Variants in PLXDC2 observed in about 807,000 individuals in gnomAD.
PLXDC2 encodes the protein plexin domain containing 2.
A neutral mutation model predicts 68.9 loss-of-function variants in PLXDC2; 40 were observed. The observed-to-expected ratio is 0.58, with a 90% CI of 0.45 to 0.76. PLXDC2 has a LOEUF of 0.76. PLXDC2 is among the 30% of genes least tolerant of loss of function. The pLI, the probability that PLXDC2 is intolerant of heterozygous loss-of-function variation, is 0.00. For synonymous variants in PLXDC2, 243 were observed against 234.2 expected (o/e 1.04, Z -0.34); for missense variants, 644 against 661.9 (o/e 0.97, Z 0.30).
chr10:20,188,334 CAT>C (rs141683219), intron 9 of PLXDC2, among the ~76,000 whole-genome samples: 4,296 of 151,618 alleles, frequency 0.028, 77 homozygotes, highest in Middle Eastern at 0.071. Context: ...TTTTAGCTTC[CAT>C]GTGTGTGAGA....
At chr10:20,014,070 A>G (rs568696974) in intron 2 of PLXDC2, among the ~76,000 whole-genome samples, 1 of 152,368 alleles carries the variant, frequency 6.6e-6, no homozygotes, top group African/African-American at 2.4e-5. Flanking sequence ...CACTTTTTAG[A>G]GAAATCTTTT....
chr10:20,264,456 A>G (rs1165860730), intron 13 of PLXDC2, among the ~76,000 whole-genome samples: 1 of 152,160 alleles, frequency 6.6e-6, no homozygotes, highest in Non-Finnish European at 1.5e-5. Flanking sequence ...GTACCCCCAA[A>G]CATCAAATAA....
intron 1 of PLXDC2, among the ~76,000 whole-genome samples, chr10:19,871,729 A>G (rs923985823): frequency 6.6e-6 from 1 of 152,006 alleles, no homozygotes; most frequent in East Asian, 1.9e-4. Context: ...TACTAAAAAT[A>G]CAAAAAATCC....
rs554797268 is a variant in PLXDC2, at chr10:19,938,111, G to C, written c.113-63664G>C. Reference sequence around the variant, plus strand: ...GCACTATGTCCATAGGCACAAGATTGTATACATTACATACAGGAAATGTTG... The same window carrying C: ...GCACTATGTCCATAGGCACAAGATTCTATACATTACATACAGGAAATGTTG... On this transcript the variant is annotated intron_variant, in intron 1 of 13. Coordinates refer to ENST00000377252, the MANE Select transcript of PLXDC2 (RefSeq NM_032812.9). 4.6e-5 allele frequency among the ~76,000 whole-genome samples: 7 copies of C among 152,238 alleles called. No homozygotes were observed. The South Asian group carries it at 1.5e-3, about 32-fold the overall frequency.
chr10:20,053,854 C>T (rs1463818768), intron 3 of PLXDC2, among the ~76,000 whole-genome samples: 1 of 151,972 alleles, frequency 6.6e-6, no homozygotes, highest in Non-Finnish European at 1.5e-5. Flanking sequence ...AAAATGCCTG[C>T]CTTTACTGCC....
chr10:19,903,047 T>G (rs1392864867), intron 1 of PLXDC2, among the ~76,000 whole-genome samples: 1 of 152,238 alleles, frequency 6.6e-6, no homozygotes, highest in Non-Finnish European at 1.5e-5. Flanking sequence ...TCAGATTATC[T>G]TTTTGATATG....
Position 20,171,675 on chromosome 10 carries a change from G to GAATT in PLXDC2, c.884-5323_884-5320dup, listed in dbSNP as rs142353492. ...GATTAATCAATTTTTACATATTTGA[G>GAATT]AATTTTTCTAAAATTTTTATGAACA... On this transcript the variant is annotated intron_variant, in intron 7 of 13. Coordinates refer to ENST00000377252, the MANE Select transcript of PLXDC2 (RefSeq NM_032812.9). Among the ~76,000 whole-genome samples the GAATT allele has an allele frequency of 2.7e-3, 404 of 152,152 alleles. 2 individuals carry two copies. The highest frequency in any genetic ancestry group is 0.01 in the Middle Eastern group (3 of 294).
rs574501839 is a variant in PLXDC2, at chr10:20,245,172, T to G, written c.1313-173T>G. 8.5e-5 allele frequency among the ~76,000 whole-genome samples: 13 copies of G among 152,354 alleles called. 2 individuals carry two copies. In the South Asian group the frequency reaches 2.7e-3, roughly 32 times the overall value. On this transcript the variant is annotated intron_variant, in intron 12 of 13. Coordinates refer to ENST00000377252, the MANE Select transcript of PLXDC2 (RefSeq NM_032812.9). ...ATTTTTACTCATGAATCCTATGGATTCTTCATTGCCCATATGAAGAGCACG... is the reference window on the plus strand; with the variant it reads ...ATTTTTACTCATGAATCCTATGGATGCTTCATTGCCCATATGAAGAGCACG...
intron 1 of PLXDC2, among the ~76,000 whole-genome samples, chr10:19,947,567 A>G (rs565830959): frequency 2.0e-5 from 3 of 152,196 alleles, no homozygotes; most frequent in Non-Finnish European, 2.9e-5. Flanking sequence ...TTAGATCCAC[A>G]TTTCTTTTTG....
chr10:19,937,511 T>C (rs761337020), intron 1 of PLXDC2, among the ~76,000 whole-genome samples: 10 of 145,180 alleles, frequency 6.9e-5, no homozygotes, highest in African/African-American at 2.3e-4. Context: ...AGGAACTTAA[T>C]GTTACTGGAA....
chr10:20,229,041 G>C (rs980488010), intron 12 of PLXDC2, among the ~76,000 whole-genome samples: 1 of 152,134 alleles, frequency 6.6e-6, no homozygotes, highest in African/African-American at 2.4e-5. Context: ...CAAGAAAAAT[G>C]GAAGAAGGGA....
chr10:20,012,778 A>G (rs1029323735), intron 2 of PLXDC2, among the ~76,000 whole-genome samples: 3 of 152,224 alleles, frequency 2.0e-5, no homozygotes, highest in Admixed American at 2.0e-4. Flanking sequence ...AACGTTTAGA[A>G]TGAAAAGAGA....
chr10:19,894,916 C>T (rs1279811640), intron 1 of PLXDC2, among the ~76,000 whole-genome samples: 1 of 152,150 alleles, frequency 6.6e-6, no homozygotes, highest in African/African-American at 2.4e-5. Context: ...ACCCAGCCAT[C>T]CCATTATTGG....
intron 1 of PLXDC2, among the ~76,000 whole-genome samples, chr10:19,970,285 C>T (rs1169338187): frequency 6.6e-6 from 1 of 152,182 alleles, no homozygotes; most frequent in Non-Finnish European, 1.5e-5. Flanking sequence ...TCATGGCCTT[C>T]GTACTTTGTA....
intron 2 of PLXDC2, among the ~76,000 whole-genome samples, chr10:20,012,120 T>C (rs1276943557): frequency 6.6e-6 from 1 of 152,140 alleles, no homozygotes; most frequent in Non-Finnish European, 1.5e-5. Context: ...CCATTACAAA[T>C]AGAGAAGGCA....
chr10:20,259,615 A>G (rs1273129664), intron 13 of PLXDC2, among the ~76,000 whole-genome samples: 2 of 152,228 alleles, frequency 1.3e-5, no homozygotes, highest in Admixed American at 1.3e-4. Flanking sequence ...ATGTGAGAGA[A>G]AGCAAAGGGA....
Position 20,287,839 on chromosome 10 carries a change from G to A in PLXDC2, c.*8020G>A, listed in dbSNP as rs1206595413. On this transcript the variant is annotated 3_prime_UTR_variant, in exon 14 of 14. Coordinates refer to ENST00000377252, the MANE Select transcript of PLXDC2 (RefSeq NM_032812.9). ...GTACATTATTTTCAGGGGAAAAAAA[G>A]GAGAGAGTCTTTTTTATATGCCAGC... 1 of 151,790 alleles carries A rather than the reference G, an allele frequency of 6.6e-6. No homozygotes were observed. Among genetic ancestry groups the A allele is most frequent in the Non-Finnish European group, 1.5e-5 (1 of 68,010 alleles). 9.4% of individuals were successfully genotyped at this position (151,790 alleles called of 1,614,324 possible).
intron 1 of PLXDC2, among the ~76,000 whole-genome samples, chr10:19,831,280 G>C (rs1474168173): frequency 6.6e-6 from 1 of 151,106 alleles, no homozygotes; most frequent in Non-Finnish European, 1.5e-5. Context: ...CTTGTACCTG[G>C]GTCTTATTTT....
chr10:20,231,322 G>A (rs2131878646), intron 12 of PLXDC2, among the ~76,000 whole-genome samples: 1 of 150,356 alleles, frequency 6.7e-6, no homozygotes, highest in African/African-American at 2.4e-5. Flanking sequence ...TTGAAGAAAA[G>A]TACTATAAGA....
Sources: allele counts gnomAD v4.1 joint callset (sites outside exome capture counted in the v4.1 genomes callset), GRCh38; gene constraint gnomAD v4.1.1; transcripts MANE v1.5; gene names NCBI Gene and HGNC (gene_info 2026-07-23, HGNC 2026-07-21).